The following ITGB2 variants were observed in gnomAD, a reference collection of about 807,000 sequenced individuals.
ITGB2 encodes the protein integrin subunit beta 2, also known as integrin beta-2.
ITGB2 carries 56 observed loss-of-function variants against 86.8 expected under a neutral mutation model. The ratio of observed to expected loss-of-function variants is 0.65; its 90% CI spans 0.52 to 0.81. The LOEUF is 0.81. Among genes scored for constraint, ITGB2 ranks in the 30% least tolerant of loss-of-function variants. The pLI is 0.00. For missense variants in ITGB2, 948 were observed against 1,061.2 expected (o/e 0.89, Z 1.48); for synonymous variants, 457 against 450.4 (o/e 1.01, Z -0.19).
chr21:44,891,769 G>T (rs1360236737), intron 11 of ITGB2, 40 bp downstream of exon 11: 5 of 1,595,108 alleles, frequency 3.1e-6, no homozygotes, highest in South Asian at 2.2e-5. Context: ...TGTGGGGTGG[G>T]GCTCGGGGAT....
At chr21:44,921,774 T>C (rs1307662870), upstream of ITGB2, among the ~76,000 whole-genome samples, 2 of 152,188 alleles carry the variant, frequency 1.3e-5, no homozygotes, top group East Asian at 3.8e-4. Context: ...CAGGCTGGAG[T>C]GCAGTGGCGT....
chr21:44,894,478 C>T (rs571017536), intron 9 of ITGB2: 2 of 228,196 alleles, frequency 8.8e-6, no homozygotes, highest in Admixed American at 5.1e-5. Flanking sequence ...AGGGGAGCAG[C>T]CCAGGGTGCA....
intron 2 of ITGB2, 140 bp downstream of exon 2, chr21:44,910,585 G>T: frequency 1.5e-6 from 2 of 1,372,502 alleles, no homozygotes; most frequent in Non-Finnish European, 2.0e-6. Flanking sequence ...GACGAGGCCT[G>T]AGTCCCCGAC....
chr21:44,910,479 A>T lies in ITGB2; in HGVS notation c.59-107T>A. 1.9e-6 allele frequency: 3 copies of T among 1,577,582 alleles called. No homozygotes were observed. The South Asian group carries it at 3.4e-5, about 18-fold the overall frequency. On this transcript the variant is annotated intron_variant, in intron 2 of 15. Transcript: ENST00000652462. ...AGGAGGCCCAAAAAGACAGGGAGGC[A>T]GCCTCCAGGAGGAGACCCCGCATTC...
intron 10 of ITGB2, 31 bp from the exon 11 acceptor site, chr21:44,892,027 C>T (rs369449149): frequency 1.9e-6 from 3 of 1,602,784 alleles, no homozygotes; most frequent in Non-Finnish European, 2.5e-6. Flanking sequence ...CAGGTGGGGA[C>T]CCTCGGTGGC....
intron 8 of ITGB2, 122 bp downstream of exon 8, chr21:44,898,945 C>T (rs1202823437): frequency 8.7e-6 from 7 of 808,184 alleles, no homozygotes; most frequent in Non-Finnish European, 1.3e-5. Flanking sequence ...GGACCTGGGC[C>T]GGCTGGTTGC....
At chr21:44,894,778 A>G in intron 9 of ITGB2, 193 bp downstream of exon 9, 1 of 644,212 alleles carries the variant, frequency 1.6e-6, no homozygotes, top group Non-Finnish European at 2.8e-6. Context: ...GAGAGGACCC[A>G]GAGCTCCCCG....
At chr21:44,919,522 G>C (rs983705202) in intron 1 of ITGB2, among the ~76,000 whole-genome samples, 3 of 152,200 alleles carry the variant, frequency 2.0e-5, no homozygotes, top group Non-Finnish European at 4.4e-5. Flanking sequence ...ATGGTGAAAC[G>C]CTGGGGTGAC....
rs772471533 is a variant in ITGB2, at chr21:44,906,921, G to T, written c.322C>A (p.Arg108=). The change falls in exon 4 of 16, where the codon CGA becomes AGA. Residue 108 remains arginine, a synonymous_variant. Transcript: ENST00000652462. The stretch of plus-strand genomic sequence containing the variant: ...CCACCGAGGCCAAGCCTACCTGGTC[G>T]CAGGTAAAGCGTCACTTTTTGTGGG... ...LSPQKVTLYL[R]PGQAAAFNVT... 2.4e-5 allele frequency: 38 copies of T among 1,613,964 alleles called. No individual in the cohort carries two copies. The highest frequency in any genetic ancestry group is 3.1e-5 in the Non-Finnish European group (36 of 1,179,972).
intron 7 of ITGB2, among the ~76,000 whole-genome samples, chr21:44,899,507 T>C (rs1455251500): frequency 6.6e-6 from 1 of 152,052 alleles, no homozygotes; most frequent in Non-Finnish European, 1.5e-5. Context: ...AGGCCATGAG[T>C]GTCAGGTGCG....
At chr21:44,889,251 C>A (rs2083748021) in intron 13 of ITGB2, 25 bp downstream of exon 13, 1 of 1,608,780 alleles carries the variant, frequency 6.2e-7, no homozygotes, top group East Asian at 2.2e-5. Context: ...TCCCTGCCCG[C>A]CCTGCCTGCT....
intron 1 of ITGB2, chr21:44,927,595 T>C (rs1446301682): frequency 6.6e-6 from 1 of 152,060 alleles, no homozygotes; most frequent in East Asian, 1.9e-4. Flanking sequence ...ACGTAGGCCT[T>C]TTTTTTTCTT....
At chr21:44,910,549 A>G in intron 2 of ITGB2, 176 bp downstream of exon 2, 1 of 1,424,788 alleles carries the variant, frequency 7.0e-7, no homozygotes. Flanking sequence ...GAAACAGCAC[A>G]GCTACAGCCT....
intron 7 of ITGB2, 71 bp downstream of exon 7, chr21:44,900,249 A>AC: frequency 1.9e-6 from 3 of 1,587,424 alleles, no homozygotes; most frequent in Non-Finnish European, 2.6e-6. Context: ...TCAGGTGGAG[A>AC]CCCCACCCTT....
Position 44,910,357 on chromosome 21 carries a change from C to A in ITGB2, c.74G>T (p.Cys25Phe). The A allele has an allele frequency of 6.2e-7, 1 of 1,614,152 alleles. No homozygotes were observed. The highest frequency in any genetic ancestry group is 8.5e-7 in the Non-Finnish European group (1 of 1,180,016). ...LSLGCVLSQECTKFKVSSCRE... is the reference protein window; with the variant it reads ...LSLGCVLSQEFTKFKVSSCRE... ...GCAGCTGCTGACCTTGAACTTCGTG[C>A]ACTCCTGAGAGAGGACTGAGGGACG... Residue 25 changes from cysteine to phenylalanine, a missense_variant, in exon 3 of 16, where the codon TGC (cysteine) becomes TTC (phenylalanine). Coordinates refer to ENST00000652462, the MANE Select transcript of ITGB2 (RefSeq NM_000211.5).
chr21:44,898,385 C>T (rs1366942752), intron 8 of ITGB2, among the ~76,000 whole-genome samples: 1 of 152,198 alleles, frequency 6.6e-6, no homozygotes, highest in African/African-American at 2.4e-5. Flanking sequence ...ATCCTCCCAC[C>T]TCGGGCAGCG....
At chr21:44,921,133 G>A (rs972495540), upstream of ITGB2, 1 of 152,270 alleles carries the variant, frequency 6.6e-6, no homozygotes, top group Non-Finnish European at 1.5e-5. Context: ...ACTTGGGAGA[G>A]GGGCCCGGCC....
intron 5 of ITGB2, among the ~76,000 whole-genome samples, chr21:44,903,047 G>T (rs2083988895): frequency 6.6e-6 from 1 of 152,220 alleles, no homozygotes; most frequent in South Asian, 2.1e-4. Context: ...ATGTGTTGTG[G>T]TCTTTAATGT....
chr21:44,900,186 G>T, intron 7 of ITGB2, 134 bp downstream of exon 7: 1 of 1,229,070 alleles, frequency 8.1e-7, no homozygotes, highest in Admixed American at 2.0e-5. Flanking sequence ...TGCCACTTGG[G>T]GCTTCCAGAA....
Sources: allele counts gnomAD v4.1 joint callset (sites outside exome capture counted in the v4.1 genomes callset), GRCh38; gene constraint gnomAD v4.1.1; transcripts MANE v1.5; gene names NCBI Gene and HGNC (gene_info 2026-07-23, HGNC 2026-07-21).